CLDN14: variants seen among roughly 807,000 people sequenced by gnomAD.
CLDN14 encodes the protein claudin 14, also known as claudin-14.
CLDN14 carries 2 observed loss-of-function variants against 2.1 expected under a neutral mutation model. The observed-to-expected ratio is 0.96, with a 90% confidence interval of 0.39 to 3.01. The LOEUF (loss-of-function observed/expected upper bound fraction) is 3.01. Ranked by LOEUF, CLDN14 falls within the 30% of genes most tolerant of loss-of-function variation. The probability of loss-of-function intolerance (pLI) is 0.09; values close to 1 mark genes in which losing one functional copy is unlikely to be tolerated. For missense variants in CLDN14, 298 were observed against 328.0 expected (o/e 0.91, Z 0.71); for synonymous variants, 136 against 154.4 (o/e 0.88, Z 0.88).
chr21:36,512,267 C>T lies in CLDN14; in HGVS notation c.-219-1767G>A, dbSNP rs147647591. Among the ~76,000 whole-genome samples, 397 of 152,274 alleles carry T rather than the reference C, an allele frequency of 2.6e-3. 10 individuals are homozygous for T. The highest frequency in any genetic ancestry group is 0.023 in the Admixed American group (357 of 15,290). ...ACTTGCCAAACTGATGGAAGAGTGA[C>T]AAACTGATAGACTGTGGTGCTGTGT... On this transcript the variant is annotated intron_variant, in intron 1 of 2. Coordinates refer to the CLDN14 transcript ENST00000342108.
chr21:36,474,910 C>T (rs1474984070), intron 1 of CLDN14, among the ~76,000 whole-genome samples: 3 of 152,124 alleles, frequency 2.0e-5, no homozygotes, highest in Non-Finnish European at 4.4e-5. Context: ...TGGGCAATAA[C>T]GCATGTTCTG....
intron 1 of CLDN14, among the ~76,000 whole-genome samples, chr21:36,554,360 C>T (rs910705718): frequency 1.3e-5 from 2 of 152,140 alleles, no homozygotes; most frequent in Non-Finnish European, 2.9e-5. Flanking sequence ...GGAACACAGA[C>T]CCAGTCTCAA....
At chr21:36,574,174 C>T (rs956128427) in intron 1 of CLDN14, among the ~76,000 whole-genome samples, 3 of 152,056 alleles carry the variant, frequency 2.0e-5, no homozygotes, top group Non-Finnish European at 4.4e-5. Context: ...CTACAGTAGT[C>T]AAGATAGTAG....
Position 36,538,236 on chromosome 21 carries a change from C to A in CLDN14, c.-219-27736G>T, listed in dbSNP as rs545495532. Among the ~76,000 whole-genome samples the A allele has an allele frequency of 1.5e-4, 23 of 152,208 alleles. No individual in the cohort carries two copies. In the South Asian group the frequency reaches 4.8e-3, roughly 32 times the overall value. On this transcript the variant is annotated intron_variant, in intron 1 of 2. Coordinates refer to the CLDN14 transcript ENST00000342108. Reference sequence around the variant, plus strand: ...CTCATTTTCTGGAACCCCTAGTGTACCCCCAAACAACTCAAATGGTTGAGA... The same window carrying A: ...CTCATTTTCTGGAACCCCTAGTGTAACCCCAAACAACTCAAATGGTTGAGA...
intron 2 of CLDN14, among the ~76,000 whole-genome samples, chr21:36,497,447 A>G (rs1405188395): frequency 6.9e-6 from 1 of 145,558 alleles, no homozygotes; most frequent in Non-Finnish European, 1.5e-5. Context: ...GCACACGCAC[A>G]CAGGCTCTCT....
Position 36,461,405 on chromosome 21 carries a change from G to T in CLDN14, c.291C>A (p.Cys97Ter), listed in dbSNP as rs767108790. ...GCGTGCACTTCATCCCGATGACGGC[G>T]CAGGCGCAGGCTATGCCCGAGAGCA... ...SCLLSGIACA[C>*]AVIGMKCTRC... Residue 97 changes from cysteine (C) to a stop codon, truncating the protein, a stop_gained, in exon 2 of 2, where the codon TGC becomes TGA. Transcript: ENST00000399135. LOFTEE classifies it low-confidence loss of function (END_TRUNC). 3.2e-5 allele frequency: 51 copies of T among 1,613,008 alleles called. No individual in the cohort carries two copies. Among genetic ancestry groups the T allele is most frequent in the Non-Finnish European group, 4.2e-5 (49 of 1,179,972 alleles).
At chr21:36,485,035 T>G (rs2086881485), upstream of CLDN14, among the ~76,000 whole-genome samples, 1 of 148,830 alleles carries the variant, frequency 6.7e-6, no homozygotes, top group Non-Finnish European at 1.5e-5. Context: ...TCTAATGGGC[T>G]CATCTTAACT....
intron 2 of CLDN14, chr21:36,487,577 G>A (rs74933634): frequency 0.05 from 7,632 of 152,320 alleles, 213 homozygotes; most frequent in Middle Eastern, 0.12. Flanking sequence ...ATTTAATAGC[G>A]AGGATCAGTG....
chr21:36,542,674 G>A (rs2087499484), intron 1 of CLDN14: 1 of 152,168 alleles, frequency 6.6e-6, no homozygotes, highest in Admixed American at 6.5e-5. Flanking sequence ...GCCTCCCCTC[G>A]AGCGACAGGC....
chr21:36,487,000 TTTG>T (rs2086904978), intron 2 of CLDN14: 2 of 348,390 alleles, frequency 5.7e-6, no homozygotes, highest in African/African-American at 2.2e-5. Flanking sequence ...TTTTTTTTTT[TTTG>T]AGACTGAGTC....
intron 2 of CLDN14, among the ~76,000 whole-genome samples, chr21:36,489,435 G>A (rs956433648): frequency 6.6e-6 from 1 of 152,136 alleles, no homozygotes; most frequent in African/African-American, 2.4e-5. Flanking sequence ...CCAGGAGGAT[G>A]AGCGACAGTC....
At chr21:36,501,332 CTTTTTTTTT>C (rs58458004) in intron 2 of CLDN14, among the ~76,000 whole-genome samples, 10,788 of 47,598 alleles carry the variant, frequency 0.23, 1,092 homozygotes, top group Middle Eastern at 0.34. Context: ...CAATATCTCA[CTTTTTTTTT>C]TTTTTTTTTT....
At chr21:36,513,104 T>C (rs1473531909) in intron 1 of CLDN14, among the ~76,000 whole-genome samples, 1 of 152,198 alleles carries the variant, frequency 6.6e-6, no homozygotes. Context: ...ACGAGATATC[T>C]GGAAAAACAT....
intron 1 of CLDN14, among the ~76,000 whole-genome samples, chr21:36,511,046 G>A (rs557677920): frequency 6.6e-6 from 1 of 152,202 alleles, no homozygotes; most frequent in Admixed American, 6.5e-5. Context: ...TGTAGAAAAG[G>A]GGAGAAGGGA....
At chr21:36,476,050 G>A (rs1266662025) in intron 1 of CLDN14, among the ~76,000 whole-genome samples, 1 of 152,168 alleles carries the variant, frequency 6.6e-6, no homozygotes, top group Non-Finnish European at 1.5e-5. Context: ...TAGTTCAGAT[G>A]TCTGTTCTGC....
intron 2 of CLDN14, among the ~76,000 whole-genome samples, chr21:36,490,385 ATTTTTT>A (rs71198817): frequency 7.0e-4 from 71 of 102,080 alleles, no homozygotes; most frequent in African/African-American, 2.7e-3. Flanking sequence ...TTTTTTTTTA[ATTTTTT>A]TTTTTTTTTT....
upstream of CLDN14, among the ~76,000 whole-genome samples, chr21:36,481,643 A>G (rs999648590): frequency 6.6e-6 from 1 of 152,198 alleles, no homozygotes; most frequent in African/African-American, 2.4e-5. Flanking sequence ...TGTTTTGTAG[A>G]TATTTTGTGA....
chr21:36,461,604 C>T lies in CLDN14; in HGVS notation c.92G>A (p.Arg31Gln), dbSNP rs1041031415. The T allele has an allele frequency of 1.1e-5, 17 of 1,606,274 alleles. No homozygotes were observed. Among genetic ancestry groups the T allele is most frequent in the Middle Eastern group, 1.6e-4 (1 of 6,072 alleles). The change falls in exon 2 of 2, where the codon CGG becomes CAG. Residue 31 changes from arginine (R) to glutamine (Q), a missense_variant. By Grantham distance (43) the Arg-to-Gln change is conservative. Coordinates refer to ENST00000399135, the MANE Select transcript of CLDN14 (RefSeq NM_001146079.2). ...GTTGGTGCCCACGTGCGCTGTCCTC[C>T]GCCAGTGCGGCAGGATGGTGGTGAT... Reference protein sequence around the residue: ...TLITTILPHWRRTAHVGTNIL... With the variant: ...TLITTILPHWQRTAHVGTNIL...
intron 1 of CLDN14, among the ~76,000 whole-genome samples, chr21:36,518,860 C>T (rs2087248231): frequency 6.6e-6 from 1 of 152,218 alleles, no homozygotes; most frequent in African/African-American, 2.4e-5. Context: ...AGGTACAAAT[C>T]AGGACCTGTG....
Sources: allele counts gnomAD v4.1 joint callset (sites outside exome capture counted in the v4.1 genomes callset), GRCh38; gene constraint gnomAD v4.1.1; transcripts MANE v1.5; gene names NCBI Gene and HGNC (gene_info 2026-07-23, HGNC 2026-07-21).